The following CABCOCO1 variants were observed in gnomAD, a reference collection of about 807,000 sequenced individuals.
CABCOCO1 encodes the protein ciliary associated calcium binding coiled-coil 1, also known as ciliary-associated calcium-binding coiled-coil protein 1.
CABCOCO1 carries 28 observed loss-of-function variants against 35.7 expected under a neutral mutation model. The ratio of observed to expected loss-of-function variants is 0.78; its 90% CI spans 0.58 to 1.07. The LOEUF is 1.07. CABCOCO1 is among the 50% of genes least tolerant of loss of function. CABCOCO1 has a pLI of 0.00. For missense variants in CABCOCO1, 326 were observed against 309.2 expected (o/e 1.05, Z -0.41); for synonymous variants, 95 against 100.1 (o/e 0.95, Z 0.30).
intron 5 of CABCOCO1, among the ~76,000 whole-genome samples, chr10:61,733,202 T>G (rs1212268879): frequency 6.6e-6 from 1 of 152,054 alleles, no homozygotes; most frequent in African/African-American, 2.4e-5. Context: ...CTTAACCAAA[T>G]GTTCTAAACT....
At chr10:61,734,837 G>C (rs1393745964) in intron 5 of CABCOCO1, among the ~76,000 whole-genome samples, 1 of 152,072 alleles carries the variant, frequency 6.6e-6, no homozygotes, top group Non-Finnish European at 1.5e-5. Context: ...ACAAAAATAG[G>C]ATGAGAAAAT....
At position 61,708,185 on chromosome 10, in the gene CABCOCO1, C is replaced by T. The variant is rs151000499; in HGVS notation, c.552+17564C>T. ...CCCTCATGCCCAGCACATAGACAGA[C>T]GCATACCAGATCCTAACTAGTGAGA... On this transcript the variant is annotated intron_variant, in intron 5 of 7. Coordinates refer to ENST00000648843, the MANE Select transcript of CABCOCO1 (RefSeq NM_001366906.2). 2.7e-4 allele frequency among the ~76,000 whole-genome samples: 40 copies of T among 150,732 alleles called. 2 individuals carry two copies. The highest frequency in any genetic ancestry group is 6.3e-4 in the African/African-American group (26 of 40,992).
At chr10:61,666,847 G>A (rs562298242) in intron 1 of CABCOCO1, among the ~76,000 whole-genome samples, 2 of 148,448 alleles carry the variant, frequency 1.3e-5, no homozygotes, top group Non-Finnish European at 3.0e-5. Flanking sequence ...TACATGAATG[G>A]ACAAAATAGG....
At chr10:61,677,419 C>G (rs1589113272) in intron 2 of CABCOCO1, among the ~76,000 whole-genome samples, 1 of 152,300 alleles carries the variant, frequency 6.6e-6, no homozygotes, top group Middle Eastern at 3.4e-3. Context: ...ATTTAGACCT[C>G]TCTCCTATTG....
chr10:61,704,841 G>A (rs1285196983), intron 5 of CABCOCO1, among the ~76,000 whole-genome samples: 1 of 141,026 alleles, frequency 7.1e-6, no homozygotes, highest in East Asian at 2.0e-4. Flanking sequence ...CCCTGTGTCT[G>A]GCTGCTTCTT....
At position 61,665,810 on chromosome 10, in the gene CABCOCO1, C is replaced by A. The variant is rs985343625; in HGVS notation, c.60+2778C>A. Among the ~76,000 whole-genome samples, 3 of 151,302 alleles carry A rather than the reference C, an allele frequency of 2.0e-5. No individual in the cohort carries two copies. In the South Asian group the frequency reaches 6.3e-4, roughly 32 times the overall value. On this transcript the variant is annotated intron_variant, in intron 1 of 7. Transcript: ENST00000648843. ...GCTGAGGCAGGAGAATGGCGTGAAC[C>A]CGGGAGGCGGAGCTTGCAGTGAGCC...
At chr10:61,754,032 C>G (rs562004689) in intron 5 of CABCOCO1, among the ~76,000 whole-genome samples, 2 of 152,078 alleles carry the variant, frequency 1.3e-5, no homozygotes, top group African/African-American at 2.4e-5. Context: ...AAAGATGATC[C>G]TTTCAATAAT....
At chr10:61,680,674 A>ATATATATAT (rs1226689218) in intron 2 of CABCOCO1, among the ~76,000 whole-genome samples, 1 of 77,880 alleles carries the variant, frequency 1.3e-5, no homozygotes, top group African/African-American at 5.1e-5. Context: ...TGTATAACAT[A>ATATATATAT]TATGTTATAC....
chr10:61,668,122 A>G (rs746781893), intron 1 of CABCOCO1, among the ~76,000 whole-genome samples: 1 of 151,914 alleles, frequency 6.6e-6, no homozygotes, highest in Non-Finnish European at 1.5e-5. Context: ...AATTTGTACC[A>G]TTTAATTTGA....
intron 2 of CABCOCO1, among the ~76,000 whole-genome samples, chr10:61,673,146 G>C (rs1839410610): frequency 6.6e-6 from 1 of 152,124 alleles, no homozygotes; most frequent in Non-Finnish European, 1.5e-5. Context: ...TGGAAATCTT[G>C]AGTATTTGCC....
intron 2 of CABCOCO1, among the ~76,000 whole-genome samples, chr10:61,678,499 A>G (rs1230992064): frequency 1.3e-5 from 2 of 152,146 alleles, no homozygotes; most frequent in African/African-American, 4.8e-5. Flanking sequence ...GCAACATAAA[A>G]AACTGACCAT....
intron 3 of CABCOCO1, chr10:61,685,399 T>G (rs1340035890): frequency 6.6e-6 from 1 of 152,268 alleles, no homozygotes; most frequent in African/African-American, 2.4e-5. Context: ...TTTCATGCTT[T>G]TATTCTGAGA....
In CABCOCO1 at chr10:61,705,551, T is replaced by G. The variant is rs79822708; in HGVS notation, c.552+14930T>G. On this transcript the variant is annotated intron_variant, in intron 5 of 7. Coordinates refer to ENST00000648843, the MANE Select transcript of CABCOCO1 (RefSeq NM_001366906.2). ...AGAGCCTAGCAAGAGAAACAGACATTAATTTAGTAAACCCACAGGCACATA... is the reference window on the plus strand; with the variant it reads ...AGAGCCTAGCAAGAGAAACAGACATGAATTTAGTAAACCCACAGGCACATA... Among the ~76,000 whole-genome samples, 667 of 152,276 alleles carry G rather than the reference T, an allele frequency of 4.4e-3. 5 individuals are homozygous for G. Among genetic ancestry groups the G allele is most frequent in the African/African-American group, 0.015 (609 of 41,544 alleles).
chr10:61,765,359 T>C (rs532220834), intron 7 of CABCOCO1, among the ~76,000 whole-genome samples: 1 of 152,268 alleles, frequency 6.6e-6, no homozygotes, highest in South Asian at 2.1e-4. Context: ...ACCTCGGCAA[T>C]CACAAAACCT....
Position 61,686,110 on chromosome 10 carries a change from A to G in CABCOCO1, c.404A>G (p.His135Arg). 6.2e-7 allele frequency: 1 copy of G among 1,608,678 alleles called. No homozygotes were observed. The highest frequency in any genetic ancestry group is 8.5e-7 in the Non-Finnish European group (1 of 1,178,318). Residue 135 changes from histidine to arginine, a missense_variant, in exon 4 of 8, where the codon CAT becomes CGT. Coordinates refer to ENST00000648843, the MANE Select transcript of CABCOCO1 (RefSeq NM_001366906.2). ...GEVMAEIGPT[H>R]SQKSEDWNIF... ...GTTATGGCTGAAATAGGACCAACAC[A>G]TTCGCAAAAGAGTGAGGACTGGAAT...
At chr10:61,682,663 T>C (rs74156247) in intron 3 of CABCOCO1, among the ~76,000 whole-genome samples, 2,805 of 152,310 alleles carry the variant, frequency 0.018, 91 homozygotes, top group African/African-American at 0.064. Context: ...CCAGTCATAG[T>C]GCTATTTGCA....
intron 5 of CABCOCO1, among the ~76,000 whole-genome samples, chr10:61,692,762 T>G (rs1840186773): frequency 6.6e-6 from 1 of 152,188 alleles, no homozygotes; most frequent in African/African-American, 2.4e-5. Flanking sequence ...TAAAAATTAC[T>G]TCTTTGCAGT....
intron 5 of CABCOCO1, among the ~76,000 whole-genome samples, chr10:61,721,955 G>A (rs770589358): frequency 3.3e-5 from 5 of 152,156 alleles, no homozygotes; most frequent in Non-Finnish European, 5.9e-5. Flanking sequence ...GAGCTCTGAC[G>A]TAAGGATTAT....
At position 61,759,238 on chromosome 10, in the gene CABCOCO1, C is replaced by T. The variant is rs994745877; in HGVS notation, c.553-821C>T. Among the ~76,000 whole-genome samples, 6 of 151,964 alleles carry T rather than the reference C, an allele frequency of 3.9e-5. No homozygotes were observed. In the East Asian group the frequency reaches 5.8e-4, roughly 15 times the overall value. On this transcript the variant is annotated intron_variant, in intron 5 of 7. Transcript: ENST00000648843. Reference sequence around the variant, plus strand: ...GAAAACGAGAACCCTCAAGTGGGCACGTCTCTACAGATCAATTGGGATGGG... The same window carrying T: ...GAAAACGAGAACCCTCAAGTGGGCATGTCTCTACAGATCAATTGGGATGGG...
Sources: allele counts gnomAD v4.1 joint callset (sites outside exome capture counted in the v4.1 genomes callset), GRCh38; gene constraint gnomAD v4.1.1; transcripts MANE v1.5; gene names NCBI Gene and HGNC (gene_info 2026-07-23, HGNC 2026-07-21).